CYB5A: variants seen among roughly 807,000 people sequenced by gnomAD.
CYB5A encodes cytochrome b5.
CYB5A carries 10 observed loss-of-function variants against 16.2 expected under a neutral mutation model. The ratio of observed to expected loss-of-function variants is 0.62; its 90% CI spans 0.38 to 1.04. The LOEUF (loss-of-function observed/expected upper bound fraction) is 1.04, where lower values mean the gene tolerates loss of function less well. CYB5A is among the 50% of genes least tolerant of loss of function. The pLI, the probability that CYB5A is intolerant of heterozygous loss-of-function variation, is 0.01. For missense variants in CYB5A, 161 were observed against 165.9 expected (o/e 0.97, Z 0.16); for synonymous variants, 62 against 57.0 (o/e 1.09, Z -0.40).
intron 1 of CYB5A, among the ~76,000 whole-genome samples, chr18:74,277,069 G>A (rs1210804696): frequency 1.3e-5 from 2 of 149,178 alleles, no homozygotes; most frequent in Admixed American, 1.4e-4. Flanking sequence ...CAACAAGTAG[G>A]CAAAAACAAC....
At chr18:74,265,319 A>G (rs1452426116) in intron 1 of CYB5A, among the ~76,000 whole-genome samples, 1 of 152,150 alleles carries the variant, frequency 6.6e-6, no homozygotes, top group South Asian at 2.1e-4. Context: ...AGCCAGACAT[A>G]CACACACACG....
At chr18:74,271,157 C>G (rs1052055436) in intron 1 of CYB5A, among the ~76,000 whole-genome samples, 3 of 152,218 alleles carry the variant, frequency 2.0e-5, no homozygotes, top group African/African-American at 7.2e-5. Context: ...AAATATTTTA[C>G]TGTCTACTAT....
chr18:74,280,613 A>G (rs755906106), intron 1 of CYB5A, among the ~76,000 whole-genome samples: 1 of 151,634 alleles, frequency 6.6e-6, no homozygotes, highest in Non-Finnish European at 1.5e-5. Flanking sequence ...TTTTATATTT[A>G]GATCTATGAT....
chr18:74,274,635 G>A (rs1006616399), intron 1 of CYB5A, among the ~76,000 whole-genome samples: 9 of 152,120 alleles, frequency 5.9e-5, no homozygotes, highest in Non-Finnish European at 1.3e-4. Flanking sequence ...GTTGTTTCTA[G>A]GGCCATTTTA....
chr18:74,255,705 C>A (rs1157285663), intron 4 of CYB5A, 36 bp downstream of exon 4: 1 of 1,588,828 alleles, frequency 6.3e-7, no homozygotes, highest in Admixed American at 1.7e-5. Context: ...TGAGCCCTCC[C>A]ACCCACTACT....
At chr18:74,282,255 A>G (rs1024817961) in intron 1 of CYB5A, among the ~76,000 whole-genome samples, 1 of 152,148 alleles carries the variant, frequency 6.6e-6, no homozygotes, top group East Asian at 1.9e-4. Flanking sequence ...CCGTGTGTGG[A>G]AAAAGGGGGT....
Position 74,251,927 on chromosome 18 carries a change from T to G in CYB5A, c.*1657A>C, listed in dbSNP as rs1176638722. 2.0e-5 allele frequency: 3 copies of G among 152,258 alleles called. No homozygotes were observed. The highest frequency in any genetic ancestry group is 4.4e-5 in the Non-Finnish European group (3 of 68,044). The allele number at this position is 152,258 out of a possible 1,614,324, so 9.4% of individuals were successfully genotyped here. A position where few individuals can be genotyped will look rare whatever the true frequency, so the allele number is the denominator to read the frequency against. Reference sequence around the variant, plus strand: ...TACAAGTTAACCCTTTAATGTCATCTAAGGTACGACTGACCCACTTCGATT... The same window carrying G: ...TACAAGTTAACCCTTTAATGTCATCGAAGGTACGACTGACCCACTTCGATT... On this transcript the variant is annotated 3_prime_UTR_variant, in exon 5 of 5. Transcript: ENST00000340533.
At chr18:74,273,650 T>C (rs1041102661) in intron 1 of CYB5A, among the ~76,000 whole-genome samples, 4 of 152,172 alleles carry the variant, frequency 2.6e-5, no homozygotes. Flanking sequence ...TTTCTAAATA[T>C]ACTCTAGCAG....
Position 74,284,814 on chromosome 18 carries a change from G to A in CYB5A, c.129+6933C>T, listed in dbSNP as rs146091648. On this transcript the variant is annotated intron_variant, in intron 1 of 4. Transcript: ENST00000340533. Reference sequence around the variant, plus strand: ...GGTTCAGATGCCATCATTTTGGCATGGGCCTGCTAGAGACAGAATTCTACG... The same window carrying A: ...GGTTCAGATGCCATCATTTTGGCATAGGCCTGCTAGAGACAGAATTCTACG... 2.3e-3 allele frequency among the ~76,000 whole-genome samples: 344 copies of A among 152,272 alleles called. 4 individuals are homozygous for A. The South Asian group carries it at 0.03, about 13-fold the overall frequency.
intron 1 of CYB5A, among the ~76,000 whole-genome samples, chr18:74,279,331 C>T (rs1320709193): frequency 1.3e-5 from 2 of 152,244 alleles, no homozygotes; most frequent in Non-Finnish European, 2.9e-5. Flanking sequence ...AGTTTGAGAT[C>T]AGCCTGGCCA....
intron 1 of CYB5A, among the ~76,000 whole-genome samples, chr18:74,285,675 G>A (rs1352412617): frequency 6.6e-6 from 1 of 151,818 alleles, no homozygotes; most frequent in African/African-American, 2.4e-5. Flanking sequence ...ACCAGCCTGG[G>A]CAACAAGAGA....
intron 1 of CYB5A, among the ~76,000 whole-genome samples, chr18:74,278,052 C>T (rs988412619): frequency 6.6e-6 from 1 of 152,232 alleles, no homozygotes; most frequent in African/African-American, 2.4e-5. Context: ...CTAATAAATG[C>T]TCACTGTGTA....
intron 1 of CYB5A, among the ~76,000 whole-genome samples, chr18:74,280,134 T>TA (rs1983035894): frequency 1.3e-5 from 2 of 152,120 alleles, no homozygotes; most frequent in South Asian, 4.1e-4. Context: ...TGATAGTGAG[T>TA]GAGTACTCAA....
Position 74,291,756 on chromosome 18 carries a change from A to C in CYB5A, c.120T>G (p.Phe40Leu). The C allele has an allele frequency of 6.2e-7, 1 of 1,613,860 alleles. No homozygotes were observed. The highest frequency in any genetic ancestry group is 8.5e-7 in the Non-Finnish European group (1 of 1,179,794). ...CTCATCCCCAACTCACCTCTTCCAG[A>C]AATTTGGTCAAATCGTACACCTTGT... ...LHHKVYDLTK[F>L]LEEHPGGEEV... is the part of the protein sequence containing the mutation. The change falls in exon 1 of 5, where the codon TTT (phenylalanine) becomes TTG (leucine). Residue 40 changes from phenylalanine to leucine, a missense_variant. Transcript: ENST00000340533.
intron 3 of CYB5A, chr18:74,260,589 G>C: frequency 2.5e-6 from 1 of 394,300 alleles, no homozygotes; most frequent in Non-Finnish European, 4.8e-6. Flanking sequence ...TAAGTTCTCT[G>C]AAAATAAGGC....
At chr18:74,254,862 A>T (rs1388510267) in intron 4 of CYB5A, among the ~76,000 whole-genome samples, 1 of 152,172 alleles carries the variant, frequency 6.6e-6, no homozygotes, top group Non-Finnish European at 1.5e-5. Context: ...TTAGATTTTG[A>T]TCTTTGACTT....
chr18:74,280,912 G>A (rs754924664), intron 1 of CYB5A, among the ~76,000 whole-genome samples: 1 of 152,178 alleles, frequency 6.6e-6, no homozygotes, highest in Non-Finnish European at 1.5e-5. Context: ...ATCAGCCCTT[G>A]AAGGGTTTAA....
chr18:74,271,359 T>C (rs1982660425), intron 1 of CYB5A, among the ~76,000 whole-genome samples: 1 of 152,168 alleles, frequency 6.6e-6, no homozygotes, highest in Non-Finnish European at 1.5e-5. Context: ...AGCTGAGATA[T>C]CACTGAAGTG....
At chr18:74,256,851 T>C (rs1982005282) in intron 3 of CYB5A, 3 of 1,613,862 alleles carry the variant, frequency 1.9e-6, no homozygotes, top group Non-Finnish European at 2.5e-6. Flanking sequence ...GCCTTTAAGG[T>C]TCCTGACACA....
Sources: allele counts gnomAD v4.1 joint callset (sites outside exome capture counted in the v4.1 genomes callset), GRCh38; gene constraint gnomAD v4.1.1; transcripts MANE v1.5; gene names NCBI Gene and HGNC (gene_info 2026-07-23, HGNC 2026-07-21).